Variants in EMCN observed in about 807,000 individuals in gnomAD.
The protein encoded by EMCN is endomucin.
EMCN carries 37 observed loss-of-function variants against 38.4 expected under a neutral mutation model. The ratio of observed to expected loss-of-function variants is 0.96; its 90% CI spans 0.74 to 1.27. The LOEUF is 1.27. Among genes scored for constraint, EMCN ranks in the 50% most tolerant of loss-of-function variants. The pLI, the probability that EMCN is intolerant of heterozygous loss-of-function variation, is 0.00. For synonymous variants in EMCN, 95 were observed against 100.8 expected (o/e 0.94, Z 0.35); for missense variants, 318 against 302.8 (o/e 1.05, Z -0.37).
intron 3 of EMCN, among the ~76,000 whole-genome samples, chr4:100,467,555 G>C (rs946628698): frequency 2.0e-5 from 3 of 151,670 alleles, no homozygotes; most frequent in African/African-American, 2.4e-5. Flanking sequence ...GGTGGTGGGC[G>C]CCTGTAGTCC....
intron 11 of EMCN, among the ~76,000 whole-genome samples, chr4:100,409,952 C>T (rs766505710): frequency 6.6e-6 from 1 of 152,218 alleles, no homozygotes; most frequent in Non-Finnish European, 1.5e-5. Flanking sequence ...GCAACAGAAG[C>T]CTGTCTAAGT....
Position 100,447,540 on chromosome 4 carries a change from T to G in EMCN, c.408A>C (p.Glu136Asp). 6.2e-7 allele frequency: 1 copy of G among 1,602,972 alleles called. No individual in the cohort carries two copies. Residue 136 changes from glutamate to aspartate, a missense_variant, in exon 5 of 12, where the codon GAA becomes GAC. By Grantham distance (45) the Glu-to-Asp change is conservative. Coordinates refer to ENST00000296420, the MANE Select transcript of EMCN (RefSeq NM_016242.4). ...AGAGAAAAAAGAGCTTACCTGGTATTTCTGTTGTTTTAATTGAACTCTGAG... is the reference window on the plus strand; with the variant it reads ...AGAGAAAAAAGAGCTTACCTGGTATGTCTGTTGTTTTAATTGAACTCTGAG... ...TETQSSIKTTEIPGSVLQPDA... is the reference protein window; with the variant it reads ...TETQSSIKTTDIPGSVLQPDA...
Position 100,447,525 on chromosome 4 carries a change from G to C in EMCN, c.415+8C>G. On this transcript the variant is annotated splice_region_variant and intron_variant, in intron 5 of 11. Coordinates refer to ENST00000296420, the MANE Select transcript of EMCN (RefSeq NM_016242.4). ...TACTAAGAGAGAGACAGAGAAAAAA[G>C]AGCTTACCTGGTATTTCTGTTGTTT... is the stretch of plus-strand genomic sequence containing the variant. The C allele has an allele frequency of 6.3e-7, 1 of 1,598,652 alleles. No individual in the cohort carries two copies. Among genetic ancestry groups the C allele is most frequent in the East Asian group, 2.2e-5 (1 of 44,732 alleles).
At chr4:100,484,319 T>G (rs1728885890) in intron 1 of EMCN, among the ~76,000 whole-genome samples, 1 of 152,138 alleles carries the variant, frequency 6.6e-6, no homozygotes, top group African/African-American at 2.4e-5. Flanking sequence ...CTAAATATAT[T>G]TTCTCTGTTT....
At chr4:100,458,211 AG>A (rs1728073826) in intron 4 of EMCN, among the ~76,000 whole-genome samples, 1 of 152,024 alleles carries the variant, frequency 6.6e-6, no homozygotes, top group South Asian at 2.1e-4. Context: ...TGCTTTAATG[AG>A]GCCATCTGGA....
chr4:100,469,688 T>C (rs924785770), intron 3 of EMCN, among the ~76,000 whole-genome samples: 1 of 151,868 alleles, frequency 6.6e-6, no homozygotes, highest in African/African-American at 2.4e-5. Context: ...GAACAGGGAG[T>C]CCTTTCTCCA....
intron 8 of EMCN, among the ~76,000 whole-genome samples, chr4:100,418,320 G>C (rs558123179): frequency 1.2e-3 from 177 of 152,108 alleles, no homozygotes; most frequent in Non-Finnish European, 2.1e-3. Context: ...GAGAGATTTT[G>C]ATATAGGCAT....
intron 5 of EMCN, among the ~76,000 whole-genome samples, chr4:100,425,994 G>A (rs977715444): frequency 6.6e-6 from 1 of 152,088 alleles, no homozygotes; most frequent in African/African-American, 2.4e-5. Flanking sequence ...GTCAGAACTT[G>A]GAGCAAGCTG....
intron 2 of EMCN, 126 bp downstream of exon 2, chr4:100,479,791 G>A (rs1339678770): frequency 3.9e-6 from 3 of 775,638 alleles, no homozygotes; most frequent in Non-Finnish European, 5.7e-6. Flanking sequence ...TCAAAATCGT[G>A]AAATAGCACT....
chr4:100,484,986 AC>A (rs1728903345), intron 1 of EMCN, among the ~76,000 whole-genome samples: 1 of 152,166 alleles, frequency 6.6e-6, no homozygotes, highest in Admixed American at 6.6e-5. Context: ...ATCTCTGAGA[AC>A]ATATTTACTT....
chr4:100,505,913 G>T (rs1434571965), intron 1 of EMCN, among the ~76,000 whole-genome samples: 1 of 152,070 alleles, frequency 6.6e-6, no homozygotes, highest in African/African-American at 2.4e-5. Flanking sequence ...GATACACTCT[G>T]AAAATTTAGT....
At chr4:100,470,286 AAGT>A (rs1728439420) in intron 3 of EMCN, among the ~76,000 whole-genome samples, 1 of 152,006 alleles carries the variant, frequency 6.6e-6, no homozygotes, top group African/African-American at 2.4e-5. Context: ...CATATAAAAA[AAGT>A]TCAACATCAG....
intron 4 of EMCN, among the ~76,000 whole-genome samples, chr4:100,450,122 G>T (rs1216298782): frequency 1.3e-5 from 2 of 151,896 alleles, no homozygotes; most frequent in African/African-American, 4.8e-5. Context: ...GTGTTTTTGG[G>T]AAAAGGCCAA....
chr4:100,475,116 T>C lies in EMCN; in HGVS notation c.188-7A>G. ...AATTCATTGGTGATTGTTCCTAGTT[T>C]GATAAAATAGATTAAATTATTATTA... On this transcript the variant is annotated splice_polypyrimidine_tract_variant and splice_region_variant and intron_variant, in intron 2 of 11. Coordinates refer to ENST00000296420, the MANE Select transcript of EMCN (RefSeq NM_016242.4). 7.1e-7 allele frequency: 1 copy of C among 1,413,646 alleles called. No homozygotes were observed. The highest frequency in any genetic ancestry group is 1.4e-5 in the African/African-American group (1 of 70,274). 87.6% of individuals were successfully genotyped at this position (1,413,646 alleles called of 1,614,324 possible). A position where few individuals can be genotyped will look rare whatever the true frequency, so the allele number is the denominator to read the frequency against.
intron 5 of EMCN, among the ~76,000 whole-genome samples, chr4:100,427,881 C>A (rs1203293523): frequency 6.6e-6 from 1 of 152,098 alleles, no homozygotes; most frequent in East Asian, 1.9e-4. Context: ...ACATTCCTTC[C>A]AATTGCTCAG....
chr4:100,465,559 T>A lies in EMCN; in HGVS notation c.260-20A>T, dbSNP rs1222958293. ...TCAATCCTATAAAAAGAATGAACAG[T>A]CATCAGGAGTATAACAAATCACCAG... On this transcript the variant is annotated intron_variant, in intron 3 of 11. Coordinates refer to ENST00000296420, the MANE Select transcript of EMCN (RefSeq NM_016242.4). 3.0e-6 allele frequency: 4 copies of A among 1,353,126 alleles called. No homozygotes were observed. The highest frequency in any genetic ancestry group is 3.8e-5 in the Admixed American group (2 of 53,080). The allele number at this position is 1,353,126 out of a possible 1,614,324, so 83.8% of individuals were successfully genotyped here.
chr4:100,423,149 C>A, intron 6 of EMCN, 69 bp from the exon 7 acceptor site: 1 of 1,489,444 alleles, frequency 6.7e-7, no homozygotes, highest in Non-Finnish European at 9.4e-7. Flanking sequence ...TCCCTCCACC[C>A]TCATTTAAGG....
In EMCN at chr4:100,516,261, T is replaced by G. The variant is rs142586005; in HGVS notation, c.64+1590A>C. ...TGGATTGTCCTTCATCTTCATGTCTTTCTTAAGGCCAGGTATTGCAGGCTA... is the reference window on the plus strand; with the variant it reads ...TGGATTGTCCTTCATCTTCATGTCTGTCTTAAGGCCAGGTATTGCAGGCTA... On this transcript the variant is annotated intron_variant, in intron 1 of 11. Transcript: ENST00000296420. 1.4e-3 allele frequency among the ~76,000 whole-genome samples: 207 copies of G among 152,182 alleles called. 1 individual carries two copies. The highest frequency in any genetic ancestry group is 4.6e-3 in the African/African-American group (191 of 41,552).
At chr4:100,482,286 C>A (rs941111351) in intron 1 of EMCN, among the ~76,000 whole-genome samples, 1 of 151,818 alleles carries the variant, frequency 6.6e-6, no homozygotes, top group Non-Finnish European at 1.5e-5. Flanking sequence ...TTTCATGAAG[C>A]TTTGGTATAG....
Sources: gnomAD v4.1 joint callset for allele counts (sites outside exome capture counted in the v4.1 genomes callset) on GRCh38, gnomAD v4.1.1 for gene constraint, MANE v1.5 for transcripts, NCBI Gene and HGNC (gene_info 2026-07-23, HGNC 2026-07-21) for gene names.